Variants in TSPEAR observed in about 807,000 individuals in gnomAD.
TSPEAR encodes thrombospondin-type laminin G domain and EAR repeat-containing protein.
Under a neutral mutation model 71.6 loss-of-function variants are expected in TSPEAR, and 69 were observed. The observed-to-expected ratio is 0.96, with a 90% CI of 0.79 to 1.18. TSPEAR has a LOEUF of 1.18. Ranked by LOEUF, TSPEAR falls within the 50% of genes most tolerant of loss-of-function variation. TSPEAR has a pLI of 0.00. For missense variants in TSPEAR, 971 were observed against 894.9 expected (o/e 1.09, Z -1.09); for synonymous variants, 402 against 387.2 (o/e 1.04, Z -0.45).
At chr21:44,657,691 A>T (rs1283572748) in intron 1 of TSPEAR, among the ~76,000 whole-genome samples, 5 of 152,236 alleles carry the variant, frequency 3.3e-5, no homozygotes, top group African/African-American at 1.2e-4. Context: ...TGTGCACGGT[A>T]GTAGCCTGAA....
chr21:44,517,148 A>G (rs78305265), intron 9 of TSPEAR: 5,666 of 152,324 alleles, frequency 0.037, 379 homozygotes, highest in African/African-American at 0.13. Flanking sequence ...ACCCCCTCTT[A>G]TGCCCTCCCT....
chr21:44,553,060 C>T (rs187069586), intron 2 of TSPEAR, among the ~76,000 whole-genome samples: 310 of 152,348 alleles, frequency 2.0e-3, no homozygotes, highest in South Asian at 7.9e-3. Flanking sequence ...GTGACAGCTT[C>T]GGTGATCTTA....
intron 1 of TSPEAR, among the ~76,000 whole-genome samples, chr21:44,630,504 T>C (rs185368047): frequency 1.3e-5 from 2 of 152,224 alleles, no homozygotes; most frequent in African/African-American, 4.8e-5. Flanking sequence ...CCACATATTC[T>C]TGGGAGTCTA....
At chr21:44,513,174 G>A (rs1277371629) in intron 9 of TSPEAR, among the ~76,000 whole-genome samples, 2 of 152,208 alleles carry the variant, frequency 1.3e-5, no homozygotes, top group Admixed American at 6.5e-5. Context: ...TTAGCTGGCC[G>A]AGTCCACGGT....
At chr21:44,698,184 G>A in intron 1 of TSPEAR, 1 of 597,804 alleles carries the variant, frequency 1.7e-6, no homozygotes, top group Non-Finnish European at 2.9e-6. Flanking sequence ...CCAGGCCCCT[G>A]TGGTCTCGCC....
intron 10 of TSPEAR, among the ~76,000 whole-genome samples, chr21:44,507,574 T>C (rs1406104310): frequency 6.6e-6 from 1 of 152,232 alleles, no homozygotes; most frequent in Non-Finnish European, 1.5e-5. Context: ...AAACTGTCCA[T>C]ACCACTGTCC....
At chr21:44,700,423 G>A (rs11088959) in intron 1 of TSPEAR, among the ~76,000 whole-genome samples, 1 of 151,688 alleles carries the variant, frequency 6.6e-6, no homozygotes, top group African/African-American at 2.4e-5. Context: ...GATGAAGGAC[G>A]GGAGAGAGGA....
intron 3 of TSPEAR, among the ~76,000 whole-genome samples, chr21:44,531,621 C>T (rs587669518): frequency 1.3e-5 from 2 of 152,300 alleles, no homozygotes; most frequent in African/African-American, 4.8e-5. Flanking sequence ...TGCAGAAGTG[C>T]GTGGTGACAT....
At chr21:44,579,658 G>T in intron 1 of TSPEAR, 3 of 1,432,872 alleles carry the variant, frequency 2.1e-6, no homozygotes, top group African/African-American at 2.9e-5. Context: ...CTCAGCACAT[G>T]GGGGCCCCGT....
intron 1 of TSPEAR, chr21:44,676,134 G>A (rs948276286): frequency 1.0e-4 from 94 of 930,792 alleles, no homozygotes; most frequent in Non-Finnish European, 1.6e-4. Context: ...GCTGAGGCGG[G>A]AATAGAAGCA....
chr21:44,684,429 G>A (rs1555948614), intron 1 of TSPEAR, among the ~76,000 whole-genome samples: 1 of 152,130 alleles, frequency 6.6e-6, no homozygotes. Context: ...AACTATTCAG[G>A]AGGATGAGGC....
At chr21:44,556,847 C>T (rs2053539218) in intron 2 of TSPEAR, among the ~76,000 whole-genome samples, 1 of 152,178 alleles carries the variant, frequency 6.6e-6, no homozygotes, top group Non-Finnish European at 1.5e-5. Context: ...TACAGGATTA[C>T]AGGCCCAAAT....
intron 2 of TSPEAR, among the ~76,000 whole-genome samples, chr21:44,549,359 C>A (rs587775043): frequency 6.6e-6 from 1 of 152,330 alleles, no homozygotes; most frequent in African/African-American, 2.4e-5. Flanking sequence ...CCATATCTCA[C>A]AAGAGGTATC....
At position 44,661,434 on chromosome 21, in the gene TSPEAR, G is replaced by T. The variant is rs375698655; in HGVS notation, c.82+49999C>A. 2.9e-4 allele frequency among the ~76,000 whole-genome samples: 44 copies of T among 152,308 alleles called. 1 individual carries two copies. In the South Asian group the frequency reaches 7.7e-3, roughly 27 times the overall value. ...AAAGAGGACATGGAGGTACACTGCCGTAAAGTCCTGCCACTTACAGATGAA... is the reference window on the plus strand; with the variant it reads ...AAAGAGGACATGGAGGTACACTGCCTTAAAGTCCTGCCACTTACAGATGAA... On this transcript the variant is annotated intron_variant, in intron 1 of 11. Coordinates refer to ENST00000323084, the MANE Select transcript of TSPEAR (RefSeq NM_144991.3).
intron 1 of TSPEAR, chr21:44,702,659 C>T: frequency 6.4e-7 from 1 of 1,573,644 alleles, no homozygotes; most frequent in Non-Finnish European, 8.7e-7. Context: ...TGCTGCATGC[C>T]CGTCCCCTCC....
intron 1 of TSPEAR, chr21:44,676,918 G>A: frequency 2.2e-6 from 2 of 889,096 alleles, no homozygotes; most frequent in East Asian, 4.8e-5. Flanking sequence ...GTGACGATGT[G>A]CACGGGCAAT....
Position 44,579,609 on chromosome 21 carries a change from G to A in TSPEAR, c.83-11604C>T, listed in dbSNP as rs142573166. The A allele has an allele frequency of 6.5e-4, 636 of 981,500 alleles. 3 individuals are homozygous for A. In the African/African-American group the frequency reaches 9.4e-3, roughly 14 times the overall value. 60.8% of individuals were successfully genotyped at this position (981,500 alleles called of 1,614,324 possible). A position where few individuals can be genotyped will look rare whatever the true frequency, so the allele number is the denominator to read the frequency against. On this transcript the variant is annotated intron_variant, in intron 1 of 11. Coordinates refer to ENST00000323084, the MANE Select transcript of TSPEAR (RefSeq NM_144991.3). ...TGGGAGGCAGGAGCTGGGGAGCTTC[G>A]AGGATGGAGATTCCTGGGAGTATGG...
At chr21:44,590,724 T>C (rs1159907052) in intron 1 of TSPEAR, among the ~76,000 whole-genome samples, 3 of 152,014 alleles carry the variant, frequency 2.0e-5, no homozygotes, top group Non-Finnish European at 4.4e-5. Flanking sequence ...ACCCCAGTCC[T>C]GGGGGGCAGC....
rs1481109995 is a variant in TSPEAR, at chr21:44,555,038, CAG to C, written c.303+12745_303+12746del. On this transcript the variant is annotated intron_variant, in intron 2 of 11. Coordinates refer to ENST00000323084, the MANE Select transcript of TSPEAR (RefSeq NM_144991.3). ...AGCTATTTATTGGTACAATTAAAAA[CAG>C]AATGTATATTTTTCAAAACAGCAAA... 9.2e-5 allele frequency among the ~76,000 whole-genome samples: 14 copies of C among 152,110 alleles called. No individual in the cohort carries two copies. The East Asian group carries it at 2.7e-3, about 29-fold the overall frequency.
Sources: allele counts gnomAD v4.1 joint callset (sites outside exome capture counted in the v4.1 genomes callset), GRCh38; gene constraint gnomAD v4.1.1; transcripts MANE v1.5; gene names NCBI Gene and HGNC (gene_info 2026-07-23, HGNC 2026-07-21).